SAMD11: variants seen among roughly 807,000 people sequenced by gnomAD.
The protein encoded by SAMD11 is sterile alpha motif domain-containing protein 11.
Under a neutral mutation model 64.4 loss-of-function variants are expected in SAMD11, and 77 were observed. The ratio of observed to expected loss-of-function variants is 1.20; its 90% CI spans 0.99 to 1.44. SAMD11 has a LOEUF of 1.44. Ranked by LOEUF, SAMD11 falls within the 40% of genes most tolerant of loss-of-function variation. The probability of loss-of-function intolerance (pLI) is 0.00; values close to 1 mark genes in which losing one functional copy is unlikely to be tolerated. For synonymous variants in SAMD11, 658 were observed against 421.9 expected (o/e 1.56, Z -6.86); for missense variants, 1,402 against 943.3 (o/e 1.49, Z -6.37).
chr1:927,275 C>T (rs1640940098), intron 2 of SAMD11, among the ~76,000 whole-genome samples: 1 of 152,214 alleles, frequency 6.6e-6, no homozygotes, highest in African/African-American at 2.4e-5. Flanking sequence ...GGAGAGGGCT[C>T]CTCTGGGCAG....
At chr1:938,948 A>G in intron 5 of SAMD11, 92 bp from the exon 6 acceptor site, 1 of 1,137,782 alleles carries the variant, frequency 8.8e-7, no homozygotes, top group Non-Finnish European at 1.3e-6. Flanking sequence ...CCCCTGAGAG[A>G]TGGTGGGTGC....
intron 2 of SAMD11, among the ~76,000 whole-genome samples, 168 bp downstream of exon 2, chr1:926,181 C>T (rs761808801): frequency 5.3e-5 from 8 of 152,172 alleles, no homozygotes; most frequent in Non-Finnish European, 8.8e-5. Flanking sequence ...GCTCTCCCAG[C>T]CCTTCTACCT....
chr1:941,605 G>C (rs1418698551), intron 8 of SAMD11, among the ~76,000 whole-genome samples: 5 of 152,128 alleles, frequency 3.3e-5, no homozygotes, highest in Admixed American at 3.3e-4. Flanking sequence ...AGGACTCAGA[G>C]CTGGAGGCGG....
chr1:939,825 G>A (rs1641652308), intron 7 of SAMD11, among the ~76,000 whole-genome samples: 1 of 152,160 alleles, frequency 6.6e-6, no homozygotes, highest in South Asian at 2.1e-4. Context: ...GGAGCCTGGG[G>A]AGGGGCAGTG....
chr1:941,180 C>T lies in SAMD11; in HGVS notation c.1232C>T (p.Ala411Val). 1.2e-6 allele frequency: 2 copies of T among 1,602,254 alleles called. No individual in the cohort carries two copies. Among genetic ancestry groups the T allele is most frequent in the South Asian group, 1.1e-5 (1 of 89,256 alleles). ...GTCCGGCAGGAGGTGGCGGCTGCAG[C>T]TCTGAGGGGCCCCAGTGGCCTGGAA... is the stretch of plus-strand genomic sequence containing the variant. ...LRVRQEVAAA[A>V]LRGPSGLEAH... is the part of the protein sequence containing the mutation. Residue 411 changes from alanine to valine, a missense_variant, in exon 8 of 14, where the codon GCT becomes GTT. Physicochemically the swap from Ala to Val is moderately conservative, Grantham distance 64 (BLOSUM62 0). Transcript: ENST00000616016.
At chr1:931,573 G>A (rs1641172634) in intron 4 of SAMD11, among the ~76,000 whole-genome samples, 1 of 152,232 alleles carries the variant, frequency 6.6e-6, no homozygotes, top group Non-Finnish European at 1.5e-5. Context: ...GGAGGGACGA[G>A]GAGTGAACCT....
chr1:942,788 C>T lies in SAMD11; in HGVS notation c.1783C>T (p.Pro595Ser), dbSNP rs958018011. The T allele has an allele frequency of 3.2e-6, 5 of 1,541,298 alleles. No homozygotes were observed. Among genetic ancestry groups the T allele is most frequent in the Non-Finnish European group, 4.4e-6 (5 of 1,144,150 alleles). ...GTCCCGGGACTCTGCCCGGCGAGCCCCCCGGAAGGGGGGTCCCGGCCCTGC... is the reference window on the plus strand; with the variant it reads ...GTCCCGGGACTCTGCCCGGCGAGCCTCCCGGAAGGGGGGTCCCGGCCCTGC... ...TPSRDSARRA[P>S]RKGGPGPASA... Residue 595 changes from proline to serine, a missense_variant, in exon 11 of 14, where the codon CCC becomes TCC. By Grantham distance (74) the Pro-to-Ser change is moderately conservative. Coordinates refer to ENST00000616016, the MANE Select transcript of SAMD11 (RefSeq NM_001385641.1).
chr1:935,835 C>T lies in SAMD11; in HGVS notation c.906C>T (p.Pro302=), dbSNP rs28419423. The T allele has an allele frequency of 3.8e-4, 614 of 1,613,372 alleles. 7 individuals are homozygous for T. In the South Asian group the frequency reaches 5.8e-3, roughly 15 times the overall value. Reference sequence around the variant, plus strand: ...ACCGCAGCCGCCACCTCGTTATGCCCGAGCATCAGAGCCGCTGTGAATTCC... The same window carrying T: ...ACCGCAGCCGCCACCTCGTTATGCCTGAGCATCAGAGCCGCTGTGAATTCC... ...SVHRSRHLVM[P]EHQSRCEFQR... Residue 302 remains proline (P), a synonymous_variant, in exon 5 of 14, where the codon CCC becomes CCT. Coordinates refer to ENST00000616016, the MANE Select transcript of SAMD11 (RefSeq NM_001385641.1).
At chr1:943,589 CTG>C in intron 12 of SAMD11, 107 bp from the exon 13 acceptor site, 14 of 1,117,856 alleles carry the variant, frequency 1.3e-5, no homozygotes, top group Non-Finnish European at 1.7e-5. Context: ...CAACAGATCA[CTG>C]TTTTTAAAAA....
chr1:929,741 G>C (rs1410260786), intron 2 of SAMD11, among the ~76,000 whole-genome samples: 1 of 152,144 alleles, frequency 6.6e-6, no homozygotes, highest in Non-Finnish European at 1.5e-5. Flanking sequence ...ACACAAGCCC[G>C]GGACGGAGGC....
chr1:943,581 A>G, intron 12 of SAMD11, 117 bp from the exon 13 acceptor site: 1 of 1,143,350 alleles, frequency 8.7e-7, no homozygotes, highest in Non-Finnish European at 1.2e-6. Context: ...CTCAAACCCA[A>G]CAGATCACTG....
chr1:934,117 G>T (rs1208714372), intron 4 of SAMD11, among the ~76,000 whole-genome samples: 1 of 168 alleles, frequency 6.0e-3, no homozygotes. Flanking sequence ...GTTACAGGTG[G>T]GCAGGGGAGG....
intron 7 of SAMD11, 169 bp from the exon 8 acceptor site, chr1:940,975 C>G (rs1221452301): frequency 3.5e-5 from 19 of 546,614 alleles, no homozygotes; most frequent in East Asian, 3.1e-4. Flanking sequence ...TCTGCCGTCT[C>G]GGCCCTGTGG....
At chr1:926,114 C>G (rs1380630463) in intron 2 of SAMD11, 101 bp downstream of exon 2, 10 of 1,161,032 alleles carry the variant, frequency 8.6e-6, no homozygotes, top group Non-Finnish European at 1.0e-5. Context: ...TAACCTCACC[C>G]CTGCGGGTGT....
At chr1:926,375 G>GGGTC (rs1429901850) in intron 2 of SAMD11, among the ~76,000 whole-genome samples, 3 of 152,228 alleles carry the variant, frequency 2.0e-5, no homozygotes, top group Non-Finnish European at 2.9e-5. Context: ...CACCGCTTGG[G>GGGTC]GGTCACCGTG....
chr1:941,388 G>C, intron 8 of SAMD11, 82 bp downstream of exon 8: 2 of 1,339,480 alleles, frequency 1.5e-6, no homozygotes, highest in East Asian at 2.5e-5. Context: ...CACGCGCCCC[G>C]AGAGTGCCAA....
chr1:926,197 G>T (rs918834067), intron 2 of SAMD11, among the ~76,000 whole-genome samples, 184 bp downstream of exon 2: 3 of 152,114 alleles, frequency 2.0e-5, no homozygotes, highest in African/African-American at 7.2e-5. Context: ...TACCTGGACG[G>T]GGGAGGAGTC....
chr1:928,207 C>A lies in SAMD11; in HGVS notation c.610-1948C>A, dbSNP rs531526615. Among the ~76,000 whole-genome samples the A allele has an allele frequency of 2.7e-4, 41 of 149,280 alleles. No homozygotes were observed. In the Middle Eastern group the frequency reaches 0.011, roughly 38 times the overall value. On this transcript the variant is annotated intron_variant, in intron 2 of 13. Coordinates refer to ENST00000616016, the MANE Select transcript of SAMD11 (RefSeq NM_001385641.1). ...AGGAGATCGAGACCATCCTGACTAA[C>A]ACGGTGAAACCCGTCTCTACTAAAA...
intron 5 of SAMD11, among the ~76,000 whole-genome samples, chr1:937,631 T>G (rs1435247936): frequency 6.6e-6 from 1 of 152,016 alleles, no homozygotes; most frequent in Non-Finnish European, 1.5e-5. Context: ...CACGGGAGGC[T>G]GTGGGGGAGA....
Sources: gnomAD v4.1 joint callset for allele counts (sites outside exome capture counted in the v4.1 genomes callset) on GRCh38, gnomAD v4.1.1 for gene constraint, MANE v1.5 for transcripts, NCBI Gene and HGNC (gene_info 2026-07-23, HGNC 2026-07-21) for gene names.